UQCC1: variants seen among roughly 807,000 people sequenced by gnomAD.
UQCC1 encodes ubiquinol-cytochrome c reductase complex assembly factor 1, also known as bFGF-repressed Zic-binding protein.
A neutral mutation model predicts 48.0 loss-of-function variants in UQCC1; 38 were observed. The observed-to-expected ratio is 0.79, with a 90% CI of 0.61 to 1.04. The LOEUF is 1.04. Among genes scored for constraint, UQCC1 ranks in the 50% least tolerant of loss-of-function variants. UQCC1 has a pLI of 0.00. For synonymous variants in UQCC1, 111 were observed against 129.2 expected (o/e 0.86, Z 0.95); for missense variants, 368 against 381.8 (o/e 0.96, Z 0.30).
intron 6 of UQCC1, among the ~76,000 whole-genome samples, chr20:35,353,025 T>TA (rs984115067): frequency 6.6e-6 from 1 of 151,946 alleles, no homozygotes; most frequent in African/African-American, 2.4e-5. Flanking sequence ...GAATAAAATT[T>TA]AAAAAAACAG....
At chr20:35,382,581 C>T (rs1481159810) in intron 3 of UQCC1, among the ~76,000 whole-genome samples, 1 of 136,012 alleles carries the variant, frequency 7.4e-6, no homozygotes, top group Non-Finnish European at 1.5e-5. Context: ...GGCGAGATCT[C>T]GGCTCACTGC....
chr20:35,344,025 G>A (rs2061408047), intron 7 of UQCC1: 1 of 152,230 alleles, frequency 6.6e-6, no homozygotes, highest in African/African-American at 2.4e-5. Context: ...CTGCAGGACT[G>A]CACTGATATA....
intron 5 of UQCC1, among the ~76,000 whole-genome samples, chr20:35,373,913 T>C (rs567107102): frequency 5.3e-5 from 8 of 152,302 alleles, no homozygotes; most frequent in African/African-American, 1.9e-4. Flanking sequence ...CATGTGCTTT[T>C]AGTCCCAGCT....
chr20:35,328,135 C>T (rs2061217295), intron 7 of UQCC1, among the ~76,000 whole-genome samples: 1 of 151,778 alleles, frequency 6.6e-6, no homozygotes, highest in Non-Finnish European at 1.5e-5. Context: ...GGTATTTTAT[C>T]CAAAGGAAAG....
chr20:35,359,294 A>C (rs1035799545), intron 6 of UQCC1, among the ~76,000 whole-genome samples: 26 of 152,230 alleles, frequency 1.7e-4, no homozygotes, highest in African/African-American at 6.0e-4. Flanking sequence ...TAAGTAACTT[A>C]AGGTTGCACG....
chr20:35,354,882 G>A (rs6142353), intron 6 of UQCC1, among the ~76,000 whole-genome samples: 79,518 of 151,998 alleles, frequency 0.52, 22,469 homozygotes, highest in East Asian at 0.72. Context: ...ACATAAACAA[G>A]AGTTATATTC....
At chr20:35,349,216 T>C (rs1227872683) in intron 6 of UQCC1, among the ~76,000 whole-genome samples, 2 of 152,160 alleles carry the variant, frequency 1.3e-5, no homozygotes, top group South Asian at 2.1e-4. Flanking sequence ...AATTTGCAGG[T>C]GACAAGAAGC....
chr20:35,314,645 G>T (rs752001964), intron 8 of UQCC1, 43 bp downstream of exon 8: 2 of 1,540,944 alleles, frequency 1.3e-6, no homozygotes, highest in Admixed American at 3.4e-5. Flanking sequence ...GCCTTTGCTG[G>T]GGGAGGCCAC....
intron 6 of UQCC1, among the ~76,000 whole-genome samples, chr20:35,365,758 A>T (rs1338693983): frequency 6.6e-6 from 1 of 152,076 alleles, no homozygotes; most frequent in Non-Finnish European, 1.5e-5. Flanking sequence ...TTCAGAGGTG[A>T]TCAAAACCAA....
chr20:35,346,882 A>G lies in UQCC1; in HGVS notation c.573+282T>C, dbSNP rs114430864. 1.9e-3 allele frequency: 2,016 copies of G among 1,043,072 alleles called. 29 individuals carry two copies. In the African/African-American group the frequency reaches 0.029, roughly 15 times the overall value. The allele number at this position is 1,043,072 out of a possible 1,614,324, so 64.6% of individuals were successfully genotyped here. A position where few individuals can be genotyped will look rare whatever the true frequency, so the allele number is the denominator to read the frequency against. ...ATCATTTGATTCCCTCCATTCACCAAATCCATCCCTCCTATCACCACGATT... is the reference window on the plus strand; with the variant it reads ...ATCATTTGATTCCCTCCATTCACCAGATCCATCCCTCCTATCACCACGATT... On this transcript the variant is annotated intron_variant, in intron 7 of 9. Transcript: ENST00000374385.
At chr20:35,400,295 A>C (rs780850909) in intron 1 of UQCC1, among the ~76,000 whole-genome samples, 3 of 151,870 alleles carry the variant, frequency 2.0e-5, no homozygotes, top group Non-Finnish European at 4.4e-5. Context: ...GGAAGTACTT[A>C]TCTCTCTCTT....
At chr20:35,402,404 C>A (rs1180729378) in intron 1 of UQCC1, among the ~76,000 whole-genome samples, 1 of 151,948 alleles carries the variant, frequency 6.6e-6, no homozygotes, top group East Asian at 1.9e-4. Context: ...TGGTGAAACC[C>A]CGTCTCTACT....
At chr20:35,386,318 G>A (rs1191479978) in intron 2 of UQCC1, 1 of 456,128 alleles carries the variant, frequency 2.2e-6, no homozygotes, top group East Asian at 7.0e-5. Flanking sequence ...GAAGAGGGCT[G>A]ACTCTTCAAT....
At chr20:35,306,616 G>A (rs1437434935) in intron 9 of UQCC1, 50 bp downstream of exon 9, 4 of 1,426,438 alleles carry the variant, frequency 2.8e-6, no homozygotes, top group Middle Eastern at 1.8e-4. Context: ...AGCCCAAGAG[G>A]AGGACCCACT....
intron 6 of UQCC1, among the ~76,000 whole-genome samples, chr20:35,359,032 G>A (rs1195750642): frequency 3.9e-5 from 6 of 152,158 alleles, no homozygotes; most frequent in Non-Finnish European, 7.4e-5. Context: ...CAAACCTGGC[G>A]TGCAAATATC....
At chr20:35,382,245 T>A (rs544896004) in intron 3 of UQCC1, among the ~76,000 whole-genome samples, 2 of 151,484 alleles carry the variant, frequency 1.3e-5, no homozygotes, top group Non-Finnish European at 2.9e-5. Context: ...TAGCTGGGAT[T>A]ACAGGTGCAC....
intron 1 of UQCC1, among the ~76,000 whole-genome samples, chr20:35,398,067 C>T (rs905754604): frequency 1.3e-5 from 2 of 152,156 alleles, no homozygotes; most frequent in Non-Finnish European, 2.9e-5. Flanking sequence ...AGCAACCTCC[C>T]AATGTCACAT....
At chr20:35,327,179 G>A (rs561542190) in intron 7 of UQCC1, among the ~76,000 whole-genome samples, 7 of 152,136 alleles carry the variant, frequency 4.6e-5, no homozygotes, top group Non-Finnish European at 8.8e-5. Context: ...AAAGGGGCGG[G>A]GTCACCCTAA....
At chr20:35,370,374 C>G (rs1329579042) in intron 5 of UQCC1, among the ~76,000 whole-genome samples, 1 of 151,938 alleles carries the variant, frequency 6.6e-6, no homozygotes, top group Non-Finnish European at 1.5e-5. Flanking sequence ...ACCTGTCTGG[C>G]CTACTCTTTA....
Sources: gnomAD v4.1 joint callset for allele counts (sites outside exome capture counted in the v4.1 genomes callset) on GRCh38, gnomAD v4.1.1 for gene constraint, MANE v1.5 for transcripts, NCBI Gene and HGNC (gene_info 2026-07-23, HGNC 2026-07-21) for gene names.